Variants in PLA2G4D observed in about 807,000 individuals in gnomAD.
PLA2G4D encodes phospholipase A2 group IVD.
A neutral mutation model predicts 94.4 loss-of-function variants in PLA2G4D; 80 were observed. The ratio of observed to expected loss-of-function variants is 0.85; its 90% CI spans 0.71 to 1.02. The LOEUF (loss-of-function observed/expected upper bound fraction) is 1.02. Ranked by LOEUF, PLA2G4D falls within the 50% of genes least tolerant of loss-of-function variation. The pLI is 0.00. For missense variants in PLA2G4D, 1,050 were observed against 1,034.7 expected, an observed-to-expected ratio of 1.01 and a Z score of -0.20; for synonymous variants, 438 against 440.9, an observed-to-expected ratio of 0.99 and a Z score of 0.08.
chr15:42,072,241 G>T (rs1275438409), intron 14 of PLA2G4D, 34 bp downstream of exon 14: 2 of 1,544,686 alleles, frequency 1.3e-6, no homozygotes, highest in Non-Finnish European at 1.8e-6. Flanking sequence ...TTTGGGGGGT[G>T]GAGTATGTGG....
At chr15:42,091,341 A>G (rs2141105158) in intron 1 of PLA2G4D, among the ~76,000 whole-genome samples, 2 of 152,376 alleles carry the variant, frequency 1.3e-5, no homozygotes, top group South Asian at 4.1e-4. Flanking sequence ...TCGCTCTATA[A>G]TCATAACCTA....
rs139278620 is a variant in PLA2G4D at position 42,068,924 on chromosome 15, C to T, written c.2248G>A (p.Ala750Thr). The change falls in exon 20 of 20, where the codon GCA becomes ACA. Residue 750 changes from alanine (A) to threonine (T), a missense_variant. Coordinates refer to ENST00000290472, the MANE Select transcript of PLA2G4D (RefSeq NM_178034.4). ...TCCACTTGGCCACCCTGGAGCTCTG[C>T]GGGGCTGCGCTGGACACCTGCCCAG... ...HSAPGVQRSP[A>T]ELQGGQVDLT... The T allele has an allele frequency of 2.1e-4, 331 of 1,610,766 alleles. No homozygotes were observed. The African/African-American group carries it at 3.9e-3, about 19-fold the overall frequency.
At chr15:42,080,751 C>T (rs1433889775) in intron 12 of PLA2G4D, among the ~76,000 whole-genome samples, 1 of 152,200 alleles carries the variant, frequency 6.6e-6, no homozygotes, top group Non-Finnish European at 1.5e-5. Context: ...TCAAATCCAG[C>T]TGCATCTGAG....
At position 42,086,203 on chromosome 15, in the gene PLA2G4D, A is replaced by G. The variant is rs542876768; in HGVS notation, c.387+10T>C. 4.5e-6 allele frequency: 1 copy of G among 223,884 alleles called. No individual in the cohort carries two copies. The highest frequency in any genetic ancestry group is 5.4e-5 in the Admixed American group (1 of 18,528). 13.9% of individuals were successfully genotyped at this position (223,884 alleles called of 1,614,324 possible). A position where few individuals can be genotyped will look rare whatever the true frequency, so the allele number is the denominator to read the frequency against. ...GGGGCCCACGGGGACTTCCCCACCC[A>G]CCCACCCACCTGGGGACTCTGGGAG... On this transcript the variant is annotated intron_variant, in intron 4 of 19. Coordinates refer to ENST00000290472, the MANE Select transcript of PLA2G4D (RefSeq NM_178034.4).
chr15:42,093,368 G>A (rs1890278534), intron 1 of PLA2G4D, among the ~76,000 whole-genome samples: 1 of 152,216 alleles, frequency 6.6e-6, no homozygotes, highest in African/African-American at 2.4e-5. Flanking sequence ...AAGGGGAAAG[G>A]GGCACAGCCT....
chr15:42,092,510 T>C (rs1223877592), intron 1 of PLA2G4D, among the ~76,000 whole-genome samples: 4 of 152,242 alleles, frequency 2.6e-5, no homozygotes, highest in African/African-American at 9.6e-5. Context: ...ACACTTTAAC[T>C]GATATGAATC....
At position 42,085,488 on chromosome 15, in the gene PLA2G4D, C is replaced by T; in HGVS notation, c.428+3G>A. On this transcript the variant is annotated splice_donor_region_variant and intron_variant, in intron 5 of 19. Coordinates refer to ENST00000290472, the MANE Select transcript of PLA2G4D (RefSeq NM_178034.4). ...ACTCCCTGGGCTGTGTGACATTACT[C>T]ACGTTTCTTCCATCAGGAACTCCAC... 1 of 1,614,062 alleles carries T rather than the reference C, an allele frequency of 6.2e-7. No individual in the cohort carries two copies. Among genetic ancestry groups the T allele is most frequent in the Non-Finnish European group, 8.5e-7 (1 of 1,180,012 alleles).
chr15:42,083,564 G>C (rs2141100166), intron 7 of PLA2G4D, 152 bp downstream of exon 7: 2 of 1,093,494 alleles, frequency 1.8e-6, no homozygotes, highest in South Asian at 2.9e-5. Context: ...CTCCTGCCCA[G>C]CGGAGATGCG....
intron 7 of PLA2G4D, among the ~76,000 whole-genome samples, 154 bp from the exon 8 acceptor site, chr15:42,083,488 G>T (rs1890081822): frequency 6.6e-6 from 1 of 152,100 alleles, no homozygotes; most frequent in Non-Finnish European, 1.5e-5. Flanking sequence ...CAGCCCAAGG[G>T]GCCCCACAAC....
At chr15:42,083,104 T>G in intron 8 of PLA2G4D, 94 bp downstream of exon 8, 1 of 1,500,234 alleles carries the variant, frequency 6.7e-7, no homozygotes, top group Non-Finnish European at 8.9e-7. Context: ...ACAGGGGCCT[T>G]GGCCCTGGTG....
At position 42,070,048 on chromosome 15, in the gene PLA2G4D, G is replaced by T; in HGVS notation, c.2091C>A (p.Phe697Leu). Residue 697 changes from phenylalanine (F) to leucine (L), a missense_variant, in exon 19 of 20, where the codon TTC becomes TTA. Transcript: ENST00000290472. Reference sequence around the variant, plus strand: ...CCTGAGGGCTGGGTTCCACCCGGGGGAAGGGCAGCCCCCGGGCCCGGCAGT... The same window carrying T: ...CCTGAGGGCTGGGTTCCACCCGGGGTAAGGGCAGCCCCCGGGCCCGGCAGT... The part of the protein sequence containing the change: ...ELYCRARGLP[F>L]PRVEPSPQDQ... 1 of 1,520,768 alleles carries T rather than the reference G, an allele frequency of 6.6e-7. No homozygotes were observed. The highest frequency in any genetic ancestry group is 8.8e-7 in the Non-Finnish European group (1 of 1,134,400). 94.2% of individuals were successfully genotyped at this position (1,520,768 alleles called of 1,614,324 possible).
At chr15:42,087,953 C>G (rs997725904) in intron 1 of PLA2G4D, among the ~76,000 whole-genome samples, 2 of 152,212 alleles carry the variant, frequency 1.3e-5, no homozygotes, top group African/African-American at 2.4e-5. Flanking sequence ...GAACCCCTTC[C>G]CCTTCGGGAA....
At chr15:42,079,854 G>A (rs1483335117) in intron 12 of PLA2G4D, 95 bp from the exon 13 acceptor site, 2 of 1,234,400 alleles carry the variant, frequency 1.6e-6, no homozygotes, top group Admixed American at 5.3e-5. Context: ...CCTGACACGT[G>A]GCTCCTGCCA....
chr15:42,085,352 GC>G, intron 5 of PLA2G4D, 138 bp downstream of exon 5: 6 of 1,106,238 alleles, frequency 5.4e-6, no homozygotes, highest in Non-Finnish European at 8.3e-6. Flanking sequence ...GAGAAGCCCC[GC>G]CCCACTCCCG....
intron 14 of PLA2G4D, 73 bp from the exon 15 acceptor site, chr15:42,071,984 C>T (rs1348408225): frequency 1.3e-6 from 2 of 1,547,580 alleles, no homozygotes; most frequent in Admixed American, 3.7e-5. Context: ...TGGCGAAAGA[C>T]ACTGCCCCTG....
In PLA2G4D at chr15:42,071,101, G is replaced by T. The variant is rs115179022; in HGVS notation, c.1876+22C>A. The T allele has an allele frequency of 2.1e-3, 3,300 of 1,595,806 alleles. 58 individuals carry two copies. In the African/African-American group the frequency reaches 0.041, roughly 20 times the overall value. On this transcript the variant is annotated intron_variant, in intron 17 of 19. Transcript: ENST00000290472. ...CAGAGGCCCAACCTTGTGACCTAGG[G>T]ACCCCTGGCCACGGCCCTGACCTGC...
intron 14 of PLA2G4D, 53 bp from the exon 15 acceptor site, chr15:42,071,964 T>C (rs1595590570): frequency 8.8e-6 from 14 of 1,587,166 alleles, no homozygotes; most frequent in African/African-American, 1.4e-5. Flanking sequence ...ATTGCGGGAG[T>C]CCCCAGCTCT....
At chr15:42,091,617 ACTC>A (rs1216871513) in intron 1 of PLA2G4D, among the ~76,000 whole-genome samples, 4 of 151,368 alleles carry the variant, frequency 2.6e-5, no homozygotes, top group African/African-American at 7.3e-5. Context: ...AGAAGACTCT[ACTC>A]CTCCACCTCT....
chr15:42,079,889 T>C, intron 12 of PLA2G4D, 130 bp from the exon 13 acceptor site: 1 of 787,742 alleles, frequency 1.3e-6, no homozygotes, highest in Non-Finnish European at 2.0e-6. Flanking sequence ...ATCTGGTAAA[T>C]GGGTCTCAGG....
Sources: gnomAD v4.1 joint callset for allele counts (sites outside exome capture counted in the v4.1 genomes callset) on GRCh38, gnomAD v4.1.1 for gene constraint, MANE v1.5 for transcripts, NCBI Gene and HGNC (gene_info 2026-07-23, HGNC 2026-07-21) for gene names.